The following GPD2 variants were observed in gnomAD, a reference collection of about 807,000 sequenced individuals.
GPD2 encodes the protein glycerol-3-phosphate dehydrogenase, mitochondrial.
Under a neutral mutation model 82.4 loss-of-function variants are expected in GPD2, and 54 were observed. The observed-to-expected ratio is 0.66, with a 90% CI of 0.53 to 0.82. The LOEUF is 0.82. Ranked by LOEUF, GPD2 falls within the 40% of genes least tolerant of loss-of-function variation. The pLI is 0.00. For synonymous variants in GPD2, 288 were observed against 306.1 expected, an observed-to-expected ratio of 0.94 and a Z score of 0.62; for missense variants, 748 against 896.2, an observed-to-expected ratio of 0.83 and a Z score of 2.11.
At chr2:156,495,239 C>T (rs1261500986) in intron 2 of GPD2, among the ~76,000 whole-genome samples, 1 of 152,108 alleles carries the variant, frequency 6.6e-6, no homozygotes, top group African/African-American at 2.4e-5. Context: ...GTCCCAGCTA[C>T]TCTGTAGGCT....
intron 6 of GPD2, 56 bp downstream of exon 6, chr2:156,513,552 C>T: frequency 5.3e-6 from 7 of 1,321,880 alleles, no homozygotes; most frequent in Non-Finnish European, 7.6e-6. Flanking sequence ...CACTCATGAC[C>T]CGTATAGTGT....
chr2:156,472,448 G>C (rs539636138), intron 1 of GPD2, among the ~76,000 whole-genome samples: 19 of 152,204 alleles, frequency 1.2e-4, no homozygotes, highest in African/African-American at 4.6e-4. Context: ...AGGCTCCCGA[G>C]TAGCTGGGAT....
At chr2:156,482,972 C>T (rs761393448) in intron 2 of GPD2, among the ~76,000 whole-genome samples, 7 of 152,042 alleles carry the variant, frequency 4.6e-5, no homozygotes, top group African/African-American at 1.4e-4. Context: ...ATTTTGAGAA[C>T]GTTGTTTTAA....
intron 2 of GPD2, among the ~76,000 whole-genome samples, chr2:156,491,466 C>G (rs1038573127): frequency 9.8e-5 from 15 of 152,308 alleles, no homozygotes; most frequent in African/African-American, 3.4e-4. Context: ...TAGCATATTG[C>G]ATTTGAAGTT....
chr2:156,419,027 C>T, the GPD2 span, among the ~76,000 whole-genome samples: 7 of 137,250 alleles, frequency 5.1e-5, no homozygotes, highest in African/African-American at 8.1e-5. Context: ...TGCCATATTT[C>T]GGGATACTAT....
At chr2:156,466,596 T>C (rs970395546) in intron 1 of GPD2, among the ~76,000 whole-genome samples, 1 of 152,164 alleles carries the variant, frequency 6.6e-6, no homozygotes, top group African/African-American at 2.4e-5. Context: ...ACTACTAGAG[T>C]GCAAACGTGT....
At chr2:156,440,452 G>C (rs1682128901) in intron 1 of GPD2, among the ~76,000 whole-genome samples, 1 of 152,212 alleles carries the variant, frequency 6.6e-6, no homozygotes, top group Non-Finnish European at 1.5e-5. Flanking sequence ...AATGCATCCA[G>C]AATTCTAATT....
intron 2 of GPD2, among the ~76,000 whole-genome samples, chr2:156,493,663 A>G (rs958449659): frequency 9.9e-5 from 15 of 152,140 alleles, no homozygotes; most frequent in Admixed American, 3.9e-4. Flanking sequence ...GAACTATATC[A>G]TAATATGGTC....
chr2:156,405,221 G>A, the GPD2 span, among the ~76,000 whole-genome samples: 1 of 152,198 alleles, frequency 6.6e-6, no homozygotes, highest in Non-Finnish European at 1.5e-5. Flanking sequence ...GACTTGGGGT[G>A]TAGTGTAGAA....
chr2:156,567,292 C>T (rs924445900), intron 9 of GPD2, among the ~76,000 whole-genome samples: 2 of 151,772 alleles, frequency 1.3e-5, no homozygotes, highest in African/African-American at 4.8e-5. Flanking sequence ...TGTCATAAAG[C>T]TCTTCTTATA....
intron 6 of GPD2, among the ~76,000 whole-genome samples, chr2:156,539,933 G>A (rs1686241489): frequency 9.9e-6 from 1 of 101,018 alleles, no homozygotes; most frequent in South Asian, 3.3e-4. Context: ...GGAGGGCCCT[G>A]AGAGATCAAG....
chr2:156,438,291 ATAAATGCTATGACGTG>A (rs1280708116), intron 1 of GPD2, among the ~76,000 whole-genome samples: 1 of 152,230 alleles, frequency 6.6e-6, no homozygotes, highest in African/African-American at 2.4e-5. Context: ...AATATGGATA[ATAAATGCTATGACGTG>A]TGTAAAATTG....
rs1310415981 is a variant in GPD2, at chr2:156,490,401, AC to A, written c.103-5642del. 4.6e-3 allele frequency among the ~76,000 whole-genome samples: 697 copies of A among 151,718 alleles called. 3 individuals carry two copies. The highest frequency in any genetic ancestry group is 0.016 in the African/African-American group (641 of 41,320). On this transcript the variant is annotated intron_variant, in intron 2 of 16. Transcript: ENST00000438166. Reference sequence around the variant, plus strand: ...CAGCTTTTATGGAAAAAAAAAAAAAACAAAAATAAAATGTTATTTTAAAAAG... The same window carrying A: ...CAGCTTTTATGGAAAAAAAAAAAAAAAAAAATAAAATGTTATTTTAAAAAG...
At chr2:156,523,824 A>G (rs1685508773) in intron 6 of GPD2, among the ~76,000 whole-genome samples, 1 of 152,180 alleles carries the variant, frequency 6.6e-6, no homozygotes, top group South Asian at 2.1e-4. Flanking sequence ...GATTCCAGGC[A>G]TAAGCCACTA....
At chr2:156,547,056 C>T (rs1686569494) in intron 6 of GPD2, among the ~76,000 whole-genome samples, 2 of 152,160 alleles carry the variant, frequency 1.3e-5, no homozygotes, top group African/African-American at 4.8e-5. Context: ...GGGAATTGTA[C>T]AGTAATTACA....
At chr2:156,457,251 C>T (rs1330323461) in intron 1 of GPD2, among the ~76,000 whole-genome samples, 1 of 152,172 alleles carries the variant, frequency 6.6e-6, no homozygotes, top group African/African-American at 2.4e-5. Context: ...AGAAACTACT[C>T]ATATGGGTCA....
chr2:156,499,443 T>A (rs1037787359), intron 3 of GPD2, among the ~76,000 whole-genome samples: 2 of 151,990 alleles, frequency 1.3e-5, no homozygotes, highest in Non-Finnish European at 2.9e-5. Flanking sequence ...TGATAAGGGG[T>A]CATGAAGTTA....
intron 2 of GPD2, chr2:156,495,831 C>G (rs901902569): frequency 1.6e-5 from 9 of 546,698 alleles, no homozygotes; most frequent in Admixed American, 6.3e-5. Flanking sequence ...TGTCCTATGG[C>G]TAAATAGTTG....
intron 1 of GPD2, among the ~76,000 whole-genome samples, chr2:156,460,037 T>C (rs1682936991): frequency 6.6e-6 from 1 of 152,226 alleles, no homozygotes; most frequent in Admixed American, 6.5e-5. Flanking sequence ...GCCTCCTGAC[T>C]GCTTCATGGT....
Sources: allele counts gnomAD v4.1 joint callset (sites outside exome capture counted in the v4.1 genomes callset), GRCh38; gene constraint gnomAD v4.1.1; transcripts MANE v1.5; gene names NCBI Gene and HGNC (gene_info 2026-07-23, HGNC 2026-07-21).